MMP10: variants seen among roughly 807,000 people sequenced by gnomAD.
MMP10 encodes matrix metallopeptidase 10, also known as stromelysin-2.
In MMP10, 50 loss-of-function variants were observed where a neutral mutation model predicts 49.1. The ratio of observed to expected loss-of-function variants is 1.02; its 90% CI spans 0.81 to 1.29. MMP10 has a LOEUF of 1.29. MMP10 is among the 50% of genes most tolerant of loss of function. The probability of loss-of-function intolerance (pLI) is 0.00; values close to 1 mark genes in which losing one functional copy is unlikely to be tolerated. For synonymous variants in MMP10, 229 were observed against 201.6 expected, an observed-to-expected ratio of 1.14 and a Z score of -1.15; for missense variants, 613 against 563.8, an observed-to-expected ratio of 1.09 and a Z score of -0.88.
chr11:102,776,727 C>T lies in MMP10; in HGVS notation c.672G>A (p.Gly224=), dbSNP rs201828295. 1.9e-6 allele frequency: 3 copies of T among 1,613,796 alleles called. No individual in the cohort carries two copies. The highest frequency in any genetic ancestry group is 2.5e-6 in the Non-Finnish European group (3 of 1,179,944). ...CTTCAGTGTTGGCTGAGTGAAAGAG[C>T]CCCAGGGAGTGGCCAAGTTCATGAG... ...VAAHELGHSL[G]LFHSANTEAL... is the part of the protein sequence containing the mutation. The change falls in exon 5 of 10, where the codon GGG becomes GGA. Residue 224 remains glycine, a synonymous_variant. Coordinates refer to ENST00000279441, the MANE Select transcript of MMP10 (RefSeq NM_002425.3).
Position 102,772,624 on chromosome 11 carries a change from C to T in MMP10, c.1226+223G>A, listed in dbSNP as rs1248130826. Among the ~76,000 whole-genome samples, 7 of 152,164 alleles carry T rather than the reference C, an allele frequency of 4.6e-5. No homozygotes were observed. The highest frequency in any genetic ancestry group is 3.9e-4 in the Admixed American group (6 of 15,274). On this transcript the variant is annotated intron_variant, in intron 8 of 9. Transcript: ENST00000279441. This position sits in a 1 kb window ranked among gnomAD's most constrained non-coding sequence, Gnocchi z 4.4. ...GTGAATGCCTTTGGACCTCAGCTGG[C>T]CTCTCCTGATGTCTTTTAGTGTCTG...
Position 102,772,363 on chromosome 11 carries a change from C to T in MMP10, c.1227-248G>A, listed in dbSNP as rs941270749. On this transcript the variant is annotated intron_variant, in intron 8 of 9. Coordinates refer to ENST00000279441, the MANE Select transcript of MMP10 (RefSeq NM_002425.3). This position sits in a 1 kb window ranked among gnomAD's most constrained non-coding sequence, Gnocchi z 4.4. ...TTTTACAGAGGTTCCATACATATGT[C>T]TGAGGTAAATTTTCTAAGCCTGGAC... Among the ~76,000 whole-genome samples the T allele has an allele frequency of 6.6e-6, 1 of 152,196 alleles. No homozygotes were observed. The highest frequency in any genetic ancestry group is 2.4e-5 in the African/African-American group (1 of 41,454).
At position 102,772,967 on chromosome 11, in the gene MMP10, G is replaced by C; in HGVS notation, c.1106C>G (p.Ala369Gly). 1 of 1,611,966 alleles carries C rather than the reference G, an allele frequency of 6.2e-7. No individual in the cohort carries two copies. The highest frequency in any genetic ancestry group is 1.1e-5 in the South Asian group (1 of 90,538). Residue 369 changes from alanine (A) to glycine (G), a missense_variant, in exon 8 of 10, where the codon GCA (alanine) becomes GGA (glycine). Ala to Gly is a moderately conservative substitution (Grantham distance 60). Transcript: ENST00000279441. The surrounding 1 kb of genome is among the most constrained non-coding windows in gnomAD (Gnocchi z 4.4). ...GGTATGGATGCCTCTTGGATAACCT[G>C]CTTGTACCTCATTTCCTCTGATGGC... ...FWAIRGNEVQ[A>G]GYPRGIHTLG...
chr11:102,776,272 G>A lies in MMP10; in HGVS notation c.932+8C>T. On this transcript the variant is annotated splice_region_variant and intron_variant, in intron 6 of 9. Coordinates refer to ENST00000279441, the MANE Select transcript of MMP10 (RefSeq NM_002425.3). ...AATAGATAGGAAAATATAATTTTCTGGTCTGACCTGTCTTTAAAGAACAGA... is the reference window on the plus strand; with the variant it reads ...AATAGATAGGAAAATATAATTTTCTAGTCTGACCTGTCTTTAAAGAACAGA... 2 of 1,609,494 alleles carry A rather than the reference G, an allele frequency of 1.2e-6. No individual in the cohort carries two copies. Among genetic ancestry groups the A allele is most frequent in the Non-Finnish European group, 1.7e-6 (2 of 1,177,662 alleles).
chr11:102,772,717 T>C lies in MMP10; in HGVS notation c.1226+130A>G. ...CCGGAAGGTAGAACAATAAGCTGTC[T>C]TCCTCATAATCATAAATTTTGAAGT... On this transcript the variant is annotated intron_variant, in intron 8 of 9. Coordinates refer to ENST00000279441, the MANE Select transcript of MMP10 (RefSeq NM_002425.3). This position sits in a 1 kb window ranked among gnomAD's most constrained non-coding sequence, Gnocchi z 4.4. The C allele has an allele frequency of 2.1e-6, 2 of 948,910 alleles. No individual in the cohort carries two copies. 58.8% of individuals were successfully genotyped at this position (948,910 alleles called of 1,614,324 possible).
Position 102,772,037 on chromosome 11 carries a change from C to T in MMP10, c.1305G>A (p.Lys435=), listed in dbSNP as rs1861981046. 1.2e-6 allele frequency: 2 copies of T among 1,612,856 alleles called. No homozygotes were observed. Reference sequence around the variant, plus strand: ...CAAATGCCTGTAATACAGCATCAACCTTAGGCTCAACTCCTGGAAAGTCAT... The same window carrying T: ...CAAATGCCTGTAATACAGCATCAACTTTAGGCTCAACTCCTGGAAAGTCAT... ...IADDFPGVEP[K]VDAVLQAFGF... The change falls in exon 9 of 10, where the codon AAG becomes AAA. Residue 435 remains lysine (K), a synonymous_variant. Coordinates refer to ENST00000279441, the MANE Select transcript of MMP10 (RefSeq NM_002425.3). The surrounding 1 kb of genome is among the most constrained non-coding windows in gnomAD (Gnocchi z 4.4).
At position 102,779,272 on chromosome 11, in the gene MMP10, A is replaced by G. The variant is rs764612800; in HGVS notation, c.437T>C (p.Leu146Pro). The G allele has an allele frequency of 1.5e-5, 24 of 1,614,008 alleles. No individual in the cohort carries two copies. Among genetic ancestry groups the G allele is most frequent in the Non-Finnish European group, 1.9e-5 (23 of 1,180,020 alleles). The stretch of plus-strand genomic sequence containing the variant: ...TCCTTCATACAGCCTGGAGAATGTG[A>G]GTGGAGTCACCTCTTCCCAGACTTT... ...ALKVWEEVTP[L>P]TFSRLYEGEA... Residue 146 changes from leucine (L) to proline (P), a missense_variant, in exon 3 of 10, where the codon CTC becomes CCC. Physicochemically the swap from Leu to Pro is moderately conservative, Grantham distance 98. Transcript: ENST00000279441.
At position 102,776,418 on chromosome 11, in the gene MMP10, G is replaced by C. The variant is rs1336968918; in HGVS notation, c.794C>G (p.Pro265Arg). 1.9e-6 allele frequency: 3 copies of C among 1,613,332 alleles called. No individual in the cohort carries two copies. Among genetic ancestry groups the C allele is most frequent in the South Asian group, 2.2e-5 (2 of 90,902 alleles). ...CAGGGGTTCCTCAGTAGAGGCAGGG[G>C]GAGGTCCTAAAGGAAACAGATTTGG... ...VNGIQSLYGP[P>R]PASTEEPLVP... The change falls in exon 6 of 10, where the codon CCC (proline) becomes CGC (arginine). Residue 265 changes from proline (P) to arginine (R), a missense_variant. Physicochemically the swap from Pro to Arg is moderately radical, Grantham distance 103. Coordinates refer to ENST00000279441, the MANE Select transcript of MMP10 (RefSeq NM_002425.3).
chr11:102,772,291 G>T lies in MMP10; in HGVS notation c.1227-176C>A, dbSNP rs116890565. Among the ~76,000 whole-genome samples, 1 of 152,116 alleles carries T rather than the reference G, an allele frequency of 6.6e-6. No individual in the cohort carries two copies. Among genetic ancestry groups the T allele is most frequent in the East Asian group, 1.9e-4 (1 of 5,206 alleles). On this transcript the variant is annotated intron_variant, in intron 8 of 9. Coordinates refer to ENST00000279441, the MANE Select transcript of MMP10 (RefSeq NM_002425.3). The surrounding 1 kb of genome is among the most constrained non-coding windows in gnomAD (Gnocchi z 4.4). The stretch of plus-strand genomic sequence containing the variant: ...ATAGGTTACTTTCCTGGGCTTACAA[G>T]TTTAACACATAAAACAATATTTTCC...
At position 102,778,742 on chromosome 11, in the gene MMP10, T is replaced by A. The variant is rs1857781692; in HGVS notation, c.504A>T (p.Gly168=). 5 of 1,613,784 alleles carry A rather than the reference T, an allele frequency of 3.1e-6. No individual in the cohort carries two copies. The highest frequency in any genetic ancestry group is 3.4e-6 in the Non-Finnish European group (4 of 1,179,900). ...CTGGGCCATCAAAAGAGTAAAAGTC[T>A]CCATGTTCTGATAGGGAACAAATTA... ...IMISFAVKEH[G]DFYSFDGPGH... is the part of the protein sequence containing the mutation. The change falls in exon 4 of 10, where the codon GGA becomes GGT. Residue 168 remains glycine, a synonymous_variant. Transcript: ENST00000279441.
chr11:102,778,109 T>C (rs1358272853), intron 4 of MMP10, among the ~76,000 whole-genome samples: 2 of 152,178 alleles, frequency 1.3e-5, no homozygotes, highest in African/African-American at 4.8e-5. Flanking sequence ...CAAGCCAATT[T>C]AGGGCGAAAA....
At chr11:102,771,032 CT>C in intron 9 of MMP10, 139 bp from the exon 10 acceptor site, 1 of 552,530 alleles carries the variant, frequency 1.8e-6, no homozygotes, top group Non-Finnish European at 3.1e-6. Flanking sequence ...GAGCTAAGTG[CT>C]TTACATGCTT....
chr11:102,776,073 A>G (rs904728615), intron 6 of MMP10, among the ~76,000 whole-genome samples: 2 of 152,068 alleles, frequency 1.3e-5, no homozygotes, highest in Admixed American at 6.5e-5. Flanking sequence ...AAGCAGAAAA[A>G]GTAACTACTG....
chr11:102,780,508 GTCC>G lies in MMP10; in HGVS notation c.81_83del (p.Glu27del), dbSNP rs1565456238. The stretch of plus-strand genomic sequence containing the variant: ...TTACCTGGGCAAGATCCTTGTTGGA[GTCC>G]TCCTCTTTTGCTGCCCCACTCAGAG... On this transcript the variant is annotated inframe_deletion, in exon 1 of 10. Coordinates refer to ENST00000279441, the MANE Select transcript of MMP10 (RefSeq NM_002425.3). 3 of 1,613,960 alleles carry G rather than the reference GTCC, an allele frequency of 1.9e-6. No homozygotes were observed. Among genetic ancestry groups the G allele is most frequent in the Non-Finnish European group, 2.5e-6 (3 of 1,179,938 alleles).
In MMP10 at chr11:102,772,211, A is replaced by G. The variant is rs1025047314; in HGVS notation, c.1227-96T>C. 7 of 755,268 alleles carry G rather than the reference A, an allele frequency of 9.3e-6. No individual in the cohort carries two copies. The highest frequency in any genetic ancestry group is 1.5e-5 in the Non-Finnish European group (7 of 470,222). 46.8% of individuals were successfully genotyped at this position (755,268 alleles called of 1,614,324 possible). A position where few individuals can be genotyped will look rare whatever the true frequency, so the allele number is the denominator to read the frequency against. On this transcript the variant is annotated intron_variant, in intron 8 of 9. Transcript: ENST00000279441. The surrounding 1 kb of genome is among the most constrained non-coding windows in gnomAD (Gnocchi z 4.4). ...TGTTAATTTTCCAGTGTGGAATCCT[A>G]GACAAACTTTTTAAGTTGTGTAAAA...
chr11:102,773,344 A>G (rs1861993106), intron 7 of MMP10, among the ~76,000 whole-genome samples: 4 of 152,202 alleles, frequency 2.6e-5, no homozygotes, highest in Admixed American at 2.6e-4. Context: ...TAAGTTTCAT[A>G]CCAATAGATC....
rs976871647 is a variant in MMP10 at position 102,778,835 on chromosome 11, C to G, written c.497-86G>C. 2.7e-6 allele frequency: 4 copies of G among 1,504,086 alleles called. No individual in the cohort carries two copies. In the East Asian group the frequency reaches 9.1e-5, roughly 34 times the overall value. 93.2% of individuals were successfully genotyped at this position (1,504,086 alleles called of 1,614,324 possible). Reference sequence around the variant, plus strand: ...ATTAAACAACAGTAGATTCTATAGTCTGAATGTTGGTGTCTGCTGCAAATT... The same window carrying G: ...ATTAAACAACAGTAGATTCTATAGTGTGAATGTTGGTGTCTGCTGCAAATT... On this transcript the variant is annotated intron_variant, in intron 3 of 9. Coordinates refer to ENST00000279441, the MANE Select transcript of MMP10 (RefSeq NM_002425.3).
In MMP10 at chr11:102,772,982, C is replaced by T; in HGVS notation, c.1091G>A (p.Gly364Glu). The change falls in exon 8 of 10, where the codon GGA becomes GAA. Residue 364 changes from glycine (G) to glutamate (E), a missense_variant. Physicochemically the swap from Gly to Glu is moderately conservative, Grantham distance 98. Coordinates refer to ENST00000279441, the MANE Select transcript of MMP10 (RefSeq NM_002425.3). The surrounding 1 kb of genome is among the most constrained non-coding windows in gnomAD (Gnocchi z 4.4). ...FKGNEFWAIRGNEVQAGYPRG... is the reference protein window; with the variant it reads ...FKGNEFWAIRENEVQAGYPRG... Reference sequence around the variant, plus strand: ...TGGATAACCTGCTTGTACCTCATTTCCTCTGATGGCCCAGAACTCATTTCC... The same window carrying T: ...TGGATAACCTGCTTGTACCTCATTTTCTCTGATGGCCCAGAACTCATTTCC... 1 of 1,609,486 alleles carries T rather than the reference C, an allele frequency of 6.2e-7. No individual in the cohort carries two copies. Among genetic ancestry groups the T allele is most frequent in the African/African-American group, 1.3e-5 (1 of 74,782 alleles).
At position 102,779,585 on chromosome 11, in the gene MMP10, G is replaced by T; in HGVS notation, c.266C>A (p.Pro89His). 6.2e-7 allele frequency: 1 copy of T among 1,614,004 alleles called. No individual in the cohort carries two copies. Among genetic ancestry groups the T allele is most frequent in the Non-Finnish European group, 8.5e-7 (1 of 1,180,004 alleles). ...DTDTLEVMRK[P>H]RCGVPDVGHF... is the part of the protein sequence containing the mutation. Reference sequence around the variant, plus strand: ...ACCAACGTCAGGAACTCCACACCTGGGCTTGCGCATCACCTCCAGAGTGTC... The same window carrying T: ...ACCAACGTCAGGAACTCCACACCTGTGCTTGCGCATCACCTCCAGAGTGTC... Residue 89 changes from proline to histidine, a missense_variant, in exon 2 of 10, where the codon CCC (proline) becomes CAC (histidine). Physicochemically the swap from Pro to His is moderately conservative, Grantham distance 77. Transcript: ENST00000279441.
Sources: gnomAD v4.1 joint callset for allele counts (sites outside exome capture counted in the v4.1 genomes callset) on GRCh38, gnomAD v4.1.1 for gene constraint, Gnocchi (gnomAD v3.1) non-coding constraint, MANE v1.5 for transcripts, NCBI Gene and HGNC (gene_info 2026-07-23, HGNC 2026-07-21) for gene names.